The following PIK3C2G variants were observed in gnomAD, a reference collection of about 807,000 sequenced individuals.
The protein encoded by PIK3C2G is phosphatidylinositol-4-phosphate 3-kinase catalytic subunit type 2 gamma.
A neutral mutation model predicts 181.1 loss-of-function variants in PIK3C2G; 168 were observed. That is an observed-to-expected ratio of 0.93 (90% CI 0.82 to 1.05). The LOEUF (loss-of-function observed/expected upper bound fraction) is 1.05. Ranked by LOEUF, PIK3C2G falls within the 50% of genes least tolerant of loss-of-function variation. The pLI is 0.00. For synonymous variants in PIK3C2G, 573 were observed against 592.2 expected, an observed-to-expected ratio of 0.97 and a Z score of 0.47; for missense variants, 1,869 against 1,732.8, an observed-to-expected ratio of 1.08 and a Z score of -1.40.
In PIK3C2G at chr12:18,628,603, T is replaced by C. The variant is rs115190144; in HGVS notation, c.4183-11826T>C. Among the ~76,000 whole-genome samples the C allele has an allele frequency of 7.1e-3, 1,085 of 152,326 alleles. 10 individuals are homozygous for C. Among genetic ancestry groups the C allele is most frequent in the African/African-American group, 0.025 (1,036 of 41,570 alleles). On this transcript the variant is annotated intron_variant, in intron 31 of 32. Coordinates refer to ENST00000538779, the MANE Select transcript of PIK3C2G (RefSeq NM_001288772.2). ...AACAAAGAATTACTAATATGCATCATAGATTTTAAGTTTTGCAACCTGAAA... is the reference window on the plus strand; with the variant it reads ...AACAAAGAATTACTAATATGCATCACAGATTTTAAGTTTTGCAACCTGAAA...
At chr12:18,417,707 G>T (rs1052578391) in intron 16 of PIK3C2G, among the ~76,000 whole-genome samples, 1 of 151,562 alleles carries the variant, frequency 6.6e-6, no homozygotes, top group Admixed American at 6.6e-5. Flanking sequence ...TACACATTTA[G>T]TAGACTACAG....
intron 13 of PIK3C2G, among the ~76,000 whole-genome samples, chr12:18,377,019 A>G (rs1384366964): frequency 6.6e-6 from 1 of 152,224 alleles, no homozygotes; most frequent in Non-Finnish European, 1.5e-5. Flanking sequence ...AATAGCCTAC[A>G]CAACAGGGTT....
the PIK3C2G span, among the ~76,000 whole-genome samples, chr12:18,684,622 G>C: frequency 6.6e-6 from 1 of 152,026 alleles, no homozygotes; most frequent in East Asian, 1.9e-4. Flanking sequence ...TTCAAAAACG[G>C]GGAGTCTGAC....
chr12:18,580,874 T>C (rs570333970), intron 29 of PIK3C2G, among the ~76,000 whole-genome samples: 2 of 152,360 alleles, frequency 1.3e-5, no homozygotes, highest in African/African-American at 4.8e-5. Flanking sequence ...ATTTAGCTTA[T>C]TGTTTTAACT....
intron 21 of PIK3C2G, among the ~76,000 whole-genome samples, chr12:18,496,641 G>T (rs1212947996): frequency 6.6e-6 from 1 of 152,058 alleles, no homozygotes; most frequent in Non-Finnish European, 1.5e-5. Flanking sequence ...GAAAAACAGA[G>T]AAAAGGTAGT....
At chr12:18,502,091 G>A (rs895196298) in intron 22 of PIK3C2G, among the ~76,000 whole-genome samples, 5 of 152,198 alleles carry the variant, frequency 3.3e-5, no homozygotes, top group Non-Finnish European at 5.9e-5. Flanking sequence ...ACTATTAGGA[G>A]AGAAGGGAGA....
the PIK3C2G span, among the ~76,000 whole-genome samples, chr12:18,661,150 AC>A: frequency 6.6e-6 from 1 of 152,104 alleles, no homozygotes; most frequent in Non-Finnish European, 1.5e-5. Flanking sequence ...ACAGAGCCTA[AC>A]CAACCTGTAG....
At chr12:18,524,415 A>G (rs544768158) in intron 24 of PIK3C2G, among the ~76,000 whole-genome samples, 1 of 152,014 alleles carries the variant, frequency 6.6e-6, no homozygotes, top group African/African-American at 2.4e-5. Context: ...GATAGTTGCT[A>G]ATTGAATTTC....
chr12:18,314,623 T>G (rs931270132), intron 6 of PIK3C2G: 1 of 152,270 alleles, frequency 6.6e-6, no homozygotes, highest in Non-Finnish European at 1.5e-5. Flanking sequence ...GAAATAAATG[T>G]ATGTTGTTTA....
At chr12:18,382,217 A>T (rs760530973) in intron 14 of PIK3C2G, among the ~76,000 whole-genome samples, 5 of 152,146 alleles carry the variant, frequency 3.3e-5, no homozygotes, top group Non-Finnish European at 7.4e-5. Flanking sequence ...TTAACTTGGT[A>T]TCCTACTCAC....
At chr12:18,686,778 T>C in the PIK3C2G span, among the ~76,000 whole-genome samples, 20 of 152,066 alleles carry the variant, frequency 1.3e-4, no homozygotes, top group African/African-American at 4.6e-4. Context: ...GGTCCATATA[T>C]AAGAATTCAT....
At chr12:18,250,878 C>T (rs1948089020) in intron 1 of PIK3C2G, among the ~76,000 whole-genome samples, 2 of 151,860 alleles carry the variant, frequency 1.3e-5, no homozygotes, top group South Asian at 4.1e-4. Context: ...TTGTATTATA[C>T]TCAAAATATA....
At chr12:18,244,321 G>A (rs1227101955), upstream of PIK3C2G, among the ~76,000 whole-genome samples, 1 of 151,952 alleles carries the variant, frequency 6.6e-6, no homozygotes, top group East Asian at 1.9e-4. Flanking sequence ...TTCCAGTATA[G>A]TGAGCTCTAT....
At chr12:18,650,448 T>C (rs1044790271), downstream of PIK3C2G, among the ~76,000 whole-genome samples, 20 of 149,120 alleles carry the variant, frequency 1.3e-4, no homozygotes, top group African/African-American at 4.7e-4. Context: ...ATCTTTGCCA[T>C]TCAAATTACT....
intron 1 of PIK3C2G, among the ~76,000 whole-genome samples, chr12:18,278,324 T>C (rs1949071306): frequency 6.6e-6 from 1 of 152,186 alleles, no homozygotes; most frequent in African/African-American, 2.4e-5. Flanking sequence ...GTGGCCCCTT[T>C]CTTCATCTTA....
chr12:18,418,926 C>T (rs1223150076), intron 16 of PIK3C2G, among the ~76,000 whole-genome samples: 2 of 152,126 alleles, frequency 1.3e-5, no homozygotes, highest in Non-Finnish European at 2.9e-5. Context: ...AGAATTCCAT[C>T]AGATGGGAAA....
At chr12:18,694,210 CA>C in the PIK3C2G span, 1 of 624,786 alleles carries the variant, frequency 1.6e-6, no homozygotes, top group East Asian at 2.7e-5. Flanking sequence ...TTTTTATTAG[CA>C]AAACATCCTG....
At chr12:18,410,066 T>C (rs1459299630) in intron 16 of PIK3C2G, among the ~76,000 whole-genome samples, 1 of 152,120 alleles carries the variant, frequency 6.6e-6, no homozygotes, top group Non-Finnish European at 1.5e-5. Flanking sequence ...GGGATTACAA[T>C]TCAACATGAG....
chr12:18,269,084 T>A (rs906577644), intron 1 of PIK3C2G, among the ~76,000 whole-genome samples: 1 of 151,950 alleles, frequency 6.6e-6, no homozygotes, highest in Admixed American at 6.6e-5. Context: ...CAAATTTTTT[T>A]ATTTTTAGTA....
Sources: allele counts gnomAD v4.1 joint callset (sites outside exome capture counted in the v4.1 genomes callset), GRCh38; gene constraint gnomAD v4.1.1; transcripts MANE v1.5; gene names NCBI Gene and HGNC (gene_info 2026-07-23, HGNC 2026-07-21).